The following ADGRA1 variants were observed in gnomAD, a reference collection of about 807,000 sequenced individuals.
ADGRA1 encodes G-protein coupled receptor 123.
ADGRA1 carries 12 observed loss-of-function variants against 21.3 expected under a neutral mutation model. The observed-to-expected ratio is 0.56, with a 90% CI of 0.36 to 0.91. The LOEUF (loss-of-function observed/expected upper bound fraction) is 0.91. Among genes scored for constraint, ADGRA1 ranks in the 40% least tolerant of loss-of-function variants. ADGRA1 has a pLI of 0.01. For synonymous variants in ADGRA1, 385 were observed against 368.8 expected, an observed-to-expected ratio of 1.04 and a Z score of -0.50; for missense variants, 790 against 805.6, an observed-to-expected ratio of 0.98 and a Z score of 0.23.
At chr10:133,088,205 C>A in intron 1 of ADGRA1, 67 bp downstream of exon 1, 1 of 777,934 alleles carries the variant, frequency 1.3e-6, no homozygotes, top group Non-Finnish European at 1.6e-6. Context: ...CAGAAAAGCT[C>A]GCGCCCCGAG....
At chr10:133,092,913 G>A (rs928188814) in intron 2 of ADGRA1, 1 of 1,544,404 alleles carries the variant, frequency 6.5e-7, no homozygotes. Context: ...GAAGGAGAAG[G>A]AGGACTGGAA....
At chr10:133,102,405 G>T in intron 4 of ADGRA1, 2 of 553,972 alleles carry the variant, frequency 3.6e-6, no homozygotes, top group East Asian at 4.3e-5. Context: ...GGACCACAGC[G>T]GGTTGTGCAT....
intron 5 of ADGRA1, among the ~76,000 whole-genome samples, chr10:133,110,935 A>G (rs1479687306): frequency 6.6e-6 from 1 of 152,128 alleles, no homozygotes; most frequent in Non-Finnish European, 1.5e-5. Context: ...CCAGGTCCCC[A>G]AGCACCTGCT....
chr10:133,109,272 C>T (rs958354426), intron 5 of ADGRA1, among the ~76,000 whole-genome samples: 7 of 152,120 alleles, frequency 4.6e-5, no homozygotes, highest in Non-Finnish European at 7.4e-5. Flanking sequence ...GTCCCTCCTC[C>T]TCTCCCAGCC....
intron 5 of ADGRA1, among the ~76,000 whole-genome samples, chr10:133,109,661 T>C (rs1281547481): frequency 6.6e-6 from 1 of 152,122 alleles, no homozygotes; most frequent in Non-Finnish European, 1.5e-5. Flanking sequence ...TCCCCTGACC[T>C]CTCCTCCCCT....
Position 133,098,778 on chromosome 10 carries a change from GC to G in ADGRA1, c.255+18del. The G allele has an allele frequency of 6.2e-7, 1 of 1,605,518 alleles. No individual in the cohort carries two copies. ...TGTGCCAGGCGGTGAGTGCCGGGGC[GC>G]CCTCGTTGGCTCCTCCCAGAGGGGA... On this transcript the variant is annotated intron_variant, in intron 4 of 6. Transcript: ENST00000392607.
At chr10:133,119,036 C>CT (rs61157782) in intron 5 of ADGRA1, among the ~76,000 whole-genome samples, 2 of 151,228 alleles carry the variant, frequency 1.3e-5, no homozygotes, top group Non-Finnish European at 2.9e-5. Context: ...TGCACTCACA[C>CT]CACACACATA....
chr10:133,122,466 C>T (rs932751681), intron 5 of ADGRA1, among the ~76,000 whole-genome samples: 5 of 152,238 alleles, frequency 3.3e-5, no homozygotes, highest in African/African-American at 1.2e-4. Flanking sequence ...GGGCGAGGGG[C>T]TGGGCAGGGT....
rs1295557639 is a variant in ADGRA1, at chr10:133,129,207, T to C, written c.1379T>C (p.Leu460Pro). The change falls in exon 7 of 7, where the codon CTG becomes CCG. Residue 460 changes from leucine (L) to proline (P), a missense_variant. Transcript: ENST00000392607. ...SSRTDSPPSS[L>P]DGPAGTHTLA... The stretch of plus-strand genomic sequence containing the variant: ...CGCACAGACAGCCCCCCCAGCTCTC[T>C]GGATGGCCCGGCGGGGACACACACG... 3 of 1,550,124 alleles carry C rather than the reference T, an allele frequency of 1.9e-6. No homozygotes were observed. In the South Asian group the frequency reaches 3.6e-5, roughly 18 times the overall value.
chr10:133,113,377 G>A (rs1317504213), intron 5 of ADGRA1, among the ~76,000 whole-genome samples: 1 of 152,250 alleles, frequency 6.6e-6, no homozygotes, highest in East Asian at 1.9e-4. Context: ...CTGCCTCGCA[G>A]CCTCCCCAGT....
Position 133,096,998 on chromosome 10 carries a change from C to T in ADGRA1, c.28C>T (p.Pro10Ser), listed in dbSNP as rs776821453. The T allele has an allele frequency of 1.2e-6, 2 of 1,613,472 alleles. No homozygotes were observed. Among genetic ancestry groups the T allele is most frequent in the Non-Finnish European group, 1.7e-6 (2 of 1,179,796 alleles). Residue 10 changes from proline to serine, a missense_variant, in exon 3 of 7, where the codon CCC (proline) becomes TCC (serine). This residue lies in a region of ADGRA1 where 382 missense variants were observed against 415.6 expected (regional missense o/e 0.92). Coordinates refer to ENST00000392607, the MANE Select transcript of ADGRA1 (RefSeq NM_001083909.3). MDLKTVLSL[P>S]RYPGEFLHPV... is the part of the protein sequence containing the mutation. ...GGATCTGAAGACAGTGCTCTCCCTG[C>T]CCCGCTACCCAGGGGAGTTCCTGCA...
At chr10:133,122,693 G>A (rs1326588229) in intron 5 of ADGRA1, among the ~76,000 whole-genome samples, 1 of 152,226 alleles carries the variant, frequency 6.6e-6, no homozygotes, top group African/African-American at 2.4e-5. Context: ...GGAAACTGTG[G>A]TCACGACCCG....
intron 4 of ADGRA1, among the ~76,000 whole-genome samples, chr10:133,101,348 G>A (rs1364917194): frequency 6.6e-6 from 1 of 152,244 alleles, no homozygotes; most frequent in East Asian, 1.9e-4. Context: ...AGATGGCCGT[G>A]AGCCCCATTC....
intron 2 of ADGRA1, among the ~76,000 whole-genome samples, chr10:133,093,568 C>G (rs749303361): frequency 3.9e-5 from 6 of 152,256 alleles, no homozygotes; most frequent in Non-Finnish European, 7.3e-5. Context: ...CTCTGGGTGC[C>G]TTCTAGAGCA....
chr10:133,123,690 G>A (rs899572088), intron 5 of ADGRA1, among the ~76,000 whole-genome samples: 12 of 143,580 alleles, frequency 8.4e-5, no homozygotes, highest in Non-Finnish European at 1.2e-4. Context: ...GGCCGACGTC[G>A]AGTTGTGGGG....
intron 5 of ADGRA1, among the ~76,000 whole-genome samples, chr10:133,113,629 G>T (rs867758635): frequency 6.6e-6 from 1 of 152,186 alleles, no homozygotes; most frequent in African/African-American, 2.4e-5. Flanking sequence ...CATCTGGAAT[G>T]CGTGCCTGAG....
chr10:133,091,214 C>G (rs547904848), intron 2 of ADGRA1, among the ~76,000 whole-genome samples: 2 of 152,364 alleles, frequency 1.3e-5, no homozygotes, highest in South Asian at 4.1e-4. Context: ...AGCCACAGAT[C>G]CTGCCAACTG....
chr10:133,128,507 G>A lies in ADGRA1; in HGVS notation c.679G>A (p.Gly227Ser), dbSNP rs544787755. The A allele has an allele frequency of 3.0e-4, 462 of 1,549,262 alleles. 2 individuals carry two copies. In the South Asian group the frequency reaches 4.8e-3, roughly 16 times the overall value. The change falls in exon 7 of 7, where the codon GGC becomes AGC. Residue 227 changes from glycine (G) to serine (S), a missense_variant. This residue lies in a region of ADGRA1 where 382 missense variants were observed against 415.6 expected (regional missense o/e 0.92). Coordinates refer to ENST00000392607, the MANE Select transcript of ADGRA1 (RefSeq NM_001083909.3). Reference sequence around the variant, plus strand: ...GCGGCGGCTGGCGACACCCGAGGGCGGCCGTGGGATCCGGCCAGGCACCCC... The same window carrying A: ...GCGGCGGCTGGCGACACCCGAGGGCAGCCGTGGGATCCGGCCAGGCACCCC... ...EQRRLATPEG[G>S]RGIRPGTPPA...
intron 5 of ADGRA1, among the ~76,000 whole-genome samples, chr10:133,108,530 C>G (rs534611532): frequency 6.6e-6 from 1 of 152,220 alleles, no homozygotes; most frequent in South Asian, 2.1e-4. Context: ...GAGGCACCGG[C>G]TCAGCCACCC....
Sources: gnomAD v4.1 joint callset for allele counts (sites outside exome capture counted in the v4.1 genomes callset) on GRCh38, gnomAD v4.1.1 for gene constraint, gnomAD v4.1.1 regional missense constraint, MANE v1.5 for transcripts, NCBI Gene and HGNC (gene_info 2026-07-23, HGNC 2026-07-21) for gene names.